Variants in OSBPL10 observed in about 807,000 individuals in gnomAD.
OSBPL10 encodes oxysterol binding protein like 10, also known as oxysterol-binding protein-related protein 10.
Under a neutral mutation model 81.7 loss-of-function variants are expected in OSBPL10, and 49 were observed. The ratio of observed to expected loss-of-function variants is 0.60; its 90% confidence interval spans 0.48 to 0.76. The LOEUF is 0.76. OSBPL10 is among the 30% of genes least tolerant of loss of function. OSBPL10 has a pLI of 0.00. For synonymous variants in OSBPL10, 419 were observed against 383.6 expected (o/e 1.09, Z -1.08); for missense variants, 923 against 987.8 (o/e 0.93, Z 0.88).
intron 1 of OSBPL10, among the ~76,000 whole-genome samples, chr3:31,888,148 T>C (rs1020522515): frequency 9.9e-5 from 15 of 152,202 alleles, no homozygotes; most frequent in Admixed American, 5.2e-4. Context: ...TGGAACAGAA[T>C]AGAGAACTCA....
chr3:31,790,170 T>C (rs1698975323), intron 4 of OSBPL10, among the ~76,000 whole-genome samples: 1 of 152,206 alleles, frequency 6.6e-6, no homozygotes, highest in South Asian at 2.1e-4. Flanking sequence ...CACAAGTAAT[T>C]ACAGAAATGT....
intron 2 of OSBPL10, among the ~76,000 whole-genome samples, chr3:32,031,734 G>T (rs370688520): frequency 1.3e-5 from 2 of 152,206 alleles, no homozygotes; most frequent in African/African-American, 4.8e-5. Flanking sequence ...GATTACAGGC[G>T]TAAGCCACCG....
intron 1 of OSBPL10, among the ~76,000 whole-genome samples, chr3:32,051,084 A>G (rs902247561): frequency 1.3e-5 from 2 of 152,234 alleles, no homozygotes; most frequent in Non-Finnish European, 2.9e-5. Context: ...GTTTTTCTGG[A>G]AAAGAGGCTT....
At chr3:32,028,059 A>G (rs901175897) in intron 2 of OSBPL10, among the ~76,000 whole-genome samples, 2 of 152,214 alleles carry the variant, frequency 1.3e-5, no homozygotes, top group Non-Finnish European at 2.9e-5. Context: ...TTTCTTGTTC[A>G]TGATGGCCCT....
chr3:31,663,473 A>C, intron 11 of OSBPL10: 1 of 991,354 alleles, frequency 1.0e-6, no homozygotes, highest in Non-Finnish European at 1.2e-6. Context: ...CTTCAAGAGC[A>C]TAAGGGCTTC....
chr3:31,785,174 C>T (rs533946907), intron 4 of OSBPL10, among the ~76,000 whole-genome samples: 6 of 152,216 alleles, frequency 3.9e-5, no homozygotes, highest in African/African-American at 1.2e-4. Flanking sequence ...CGTGAACCAC[C>T]GCAGTCTTGA....
At chr3:32,076,988 A>T (rs1699881928) in intron 1 of OSBPL10, among the ~76,000 whole-genome samples, 1 of 152,142 alleles carries the variant, frequency 6.6e-6, no homozygotes, top group South Asian at 2.1e-4. Flanking sequence ...AGAGAGTCAG[A>T]ATCTTGTAGC....
intron 4 of OSBPL10, chr3:31,794,862 C>T: frequency 2.6e-6 from 1 of 378,306 alleles, no homozygotes; most frequent in East Asian, 8.8e-5. Context: ...AACTGGATGA[C>T]ACTGAAAACC....
At chr3:31,806,450 A>C (rs1185038417) in intron 4 of OSBPL10, among the ~76,000 whole-genome samples, 1 of 152,216 alleles carries the variant, frequency 6.6e-6, no homozygotes, top group Non-Finnish European at 1.5e-5. Context: ...ATGGTCTTGC[A>C]CTTACTTACC....
At position 31,683,873 on chromosome 3, in the gene OSBPL10, T is replaced by C. The variant is rs1221969919; in HGVS notation, c.1487A>G (p.Asp496Gly). Residue 496 changes from aspartate to glycine, a missense_variant, in exon 8 of 12, where the codon GAC becomes GGC. By Grantham distance (94) the Asp-to-Gly change is moderately conservative. This residue lies in a region of OSBPL10 where 387 missense variants were observed against 436.3 expected (regional missense o/e 0.89). Coordinates refer to ENST00000396556, the MANE Select transcript of OSBPL10 (RefSeq NM_017784.5). ...TFHCSWEVPK[D>G]RVKPKRTASR... ...AGCAGTCCTCTTAGGCTTGACCCTG[T>C]CCTTGGGAACTTCCCAGGAGCAGTG... is the stretch of plus-strand genomic sequence containing the variant. 6.2e-7 allele frequency: 1 copy of C among 1,614,204 alleles called. No homozygotes were observed.
intron 1 of OSBPL10, among the ~76,000 whole-genome samples, chr3:31,924,230 G>A (rs6803315): frequency 0.72 from 103,797 of 144,126 alleles, 36,976 homozygotes; most frequent in South Asian, 0.79. Flanking sequence ...AAAAAAAAAA[G>A]AAAGAAAGAA....
upstream of OSBPL10, among the ~76,000 whole-genome samples, chr3:31,983,301 A>G (rs570597477): frequency 6.6e-6 from 1 of 152,282 alleles, no homozygotes; most frequent in African/African-American, 2.4e-5. Flanking sequence ...CATGCCTTTT[A>G]TTGGAGACTG....
At chr3:32,067,590 C>T (rs1394423611) in intron 1 of OSBPL10, among the ~76,000 whole-genome samples, 1 of 152,120 alleles carries the variant, frequency 6.6e-6, no homozygotes, top group Non-Finnish European at 1.5e-5. Context: ...GATGACATTC[C>T]ACCATTGTGA....
chr3:31,682,697 C>T (rs996576590), intron 8 of OSBPL10, among the ~76,000 whole-genome samples: 2 of 152,236 alleles, frequency 1.3e-5, no homozygotes, highest in African/African-American at 4.8e-5. Context: ...CAACTTACCA[C>T]ACAATCCATT....
rs34579457 is a variant in OSBPL10, at chr3:31,761,813, T to TAAAAAAAAAAAAAAAAAAAAAAAAAAAAA, written c.730-13694_730-13693insTTTTTTTTTTTTTTTTTTTTTTTTTTTTT. 4.5e-4 allele frequency among the ~76,000 whole-genome samples: 48 copies of TAAAAAAAAAAAAAAAAAAAAAAAAAAAAA among 107,492 alleles called. 3 individuals carry two copies. The highest frequency in any genetic ancestry group is 2.2e-3 in the African/African-American group (35 of 15,678). 70.5% of individuals were successfully genotyped at this position (107,492 alleles called of 152,430 possible). A position where few individuals can be genotyped will look rare whatever the true frequency, so the allele number is the denominator to read the frequency against. ...CTGGGCAACAGAGCAAGACTGTCTCTAAAAAAAAAAAAAAAAAACCCTAAA... is the reference window on the plus strand; with the variant it reads ...CTGGGCAACAGAGCAAGACTGTCTCTAAAAAAAAAAAAAAAAAAAAAAAAAAAAAAAAAAAAAAAAAAAAAAACCCTAAA... On this transcript the variant is annotated intron_variant, in intron 4 of 11. Transcript: ENST00000396556.
chr3:31,880,353 C>T lies in OSBPL10; in HGVS notation c.282-523G>A. ...GAACTGGAGGTGCTTCTGCAACCAT[C>T]TGGACACGCTCTAGCAGGCCCATTC... On this transcript the variant is annotated intron_variant, in intron 1 of 11. Transcript: ENST00000396556. Among the ~76,000 whole-genome samples, 4 of 152,346 alleles carry T rather than the reference C, an allele frequency of 2.6e-5. No individual in the cohort carries two copies. The South Asian group carries it at 8.3e-4, about 32-fold the overall frequency.
At chr3:31,919,206 A>G (rs1361266216) in intron 1 of OSBPL10, among the ~76,000 whole-genome samples, 1 of 152,190 alleles carries the variant, frequency 6.6e-6, no homozygotes, top group Non-Finnish European at 1.5e-5. Context: ...ACAGATTTCT[A>G]TCATGACCTT....
intron 4 of OSBPL10, chr3:31,822,147 T>A (rs1699995402): frequency 6.6e-6 from 1 of 152,268 alleles, no homozygotes; most frequent in Non-Finnish European, 1.5e-5. Context: ...GTAAAAGGTT[T>A]ATTTAAAATC....
At chr3:31,727,259 C>T (rs1030128982) in intron 6 of OSBPL10, among the ~76,000 whole-genome samples, 1 of 152,052 alleles carries the variant, frequency 6.6e-6, no homozygotes, top group Admixed American at 6.5e-5. Flanking sequence ...GAAAGGAAGT[C>T]CACATATCAA....
Sources: gnomAD v4.1 joint callset for allele counts (sites outside exome capture counted in the v4.1 genomes callset) on GRCh38, gnomAD v4.1.1 for gene constraint, gnomAD v4.1.1 regional missense constraint, MANE v1.5 for transcripts, NCBI Gene and HGNC (gene_info 2026-07-23, HGNC 2026-07-21) for gene names.